PARPBP: variants seen among roughly 807,000 people sequenced by gnomAD.
PARPBP encodes PARP1 binding protein.
A neutral mutation model predicts 50.0 loss-of-function variants in PARPBP; 52 were observed. The ratio of observed to expected loss-of-function variants is 1.04; its 90% CI spans 0.83 to 1.31. The LOEUF (loss-of-function observed/expected upper bound fraction) is 1.31, where lower values mean the gene tolerates loss of function less well. PARPBP is among the 50% of genes most tolerant of loss of function. PARPBP has a pLI of 0.00. For missense variants in PARPBP, 697 were observed against 672.0 expected, an observed-to-expected ratio of 1.04 and a Z score of -0.41; for synonymous variants, 244 against 232.1, an observed-to-expected ratio of 1.05 and a Z score of -0.47.
At chr12:102,151,661 C>T in intron 3 of PARPBP, 1 of 1,535,476 alleles carries the variant, frequency 6.5e-7, no homozygotes, top group South Asian at 1.2e-5. Flanking sequence ...CCAGTGTCAG[C>T]CTCATTGACT....
intron 2 of PARPBP, among the ~76,000 whole-genome samples, chr12:102,133,903 T>TA (rs1312100688): frequency 4.6e-5 from 7 of 151,776 alleles, no homozygotes; most frequent in Non-Finnish European, 2.9e-5. Flanking sequence ...AAAGGAAATT[T>TA]AAAAAAACCT....
chr12:102,143,880 G>A (rs528549900), intron 2 of PARPBP, among the ~76,000 whole-genome samples: 1 of 152,154 alleles, frequency 6.6e-6, no homozygotes, highest in African/African-American at 2.4e-5. Flanking sequence ...AGCAATTACA[G>A]TACCTGTGAT....
chr12:102,197,507 C>A lies in PARPBP; in HGVS notation c.*1216C>A. ...ATTTTCATTGAAATAAACGACAAGT[C>A]ACATTGCCACTTACCTTTGAAACTT... On this transcript the variant is annotated 3_prime_UTR_variant, in exon 11 of 11. Transcript: ENST00000327680. 2 of 1,584,238 alleles carry A rather than the reference C, an allele frequency of 1.3e-6. No individual in the cohort carries two copies. The highest frequency in any genetic ancestry group is 1.2e-5 in the South Asian group (1 of 86,040).
intron 6 of PARPBP, among the ~76,000 whole-genome samples, chr12:102,172,538 T>G (rs186042966): frequency 1.3e-5 from 2 of 152,278 alleles, no homozygotes; most frequent in African/African-American, 4.8e-5. Flanking sequence ...GCTCTAGAAG[T>G]GAGTATATAG....
intron 4 of PARPBP, among the ~76,000 whole-genome samples, chr12:102,156,534 A>C (rs541343204): frequency 6.6e-6 from 1 of 152,190 alleles, no homozygotes; most frequent in South Asian, 2.1e-4. Flanking sequence ...ACTCTTGGCA[A>C]AGTTTCTGTG....
chr12:102,124,505 G>C (rs1881657519), intron 2 of PARPBP, among the ~76,000 whole-genome samples: 1 of 152,186 alleles, frequency 6.6e-6, no homozygotes, highest in Non-Finnish European at 1.5e-5. Context: ...CTAGCGTTTG[G>C]ATTTAAGCCG....
At chr12:102,185,985 C>G (rs1890265007) in intron 9 of PARPBP, among the ~76,000 whole-genome samples, 1 of 152,076 alleles carries the variant, frequency 6.6e-6, no homozygotes, top group Non-Finnish European at 1.5e-5. Context: ...GCTTCAGTCT[C>G]ATTACTTATT....
chr12:102,193,781 A>G (rs967373006), intron 9 of PARPBP, among the ~76,000 whole-genome samples: 1 of 152,038 alleles, frequency 6.6e-6, no homozygotes, highest in South Asian at 2.1e-4. Flanking sequence ...TCAGTTACAT[A>G]TAGGGCATCT....
At chr12:102,189,879 C>T (rs1368572544) in intron 9 of PARPBP, among the ~76,000 whole-genome samples, 1 of 152,116 alleles carries the variant, frequency 6.6e-6, no homozygotes. Flanking sequence ...GGAAATTAAG[C>T]AGCTTAAGGA....
intron 5 of PARPBP, among the ~76,000 whole-genome samples, chr12:102,165,316 A>T (rs1009890268): frequency 5.3e-5 from 8 of 152,302 alleles, no homozygotes; most frequent in Non-Finnish European, 1.2e-4. Context: ...AAATTGCCCA[A>T]CCAATTCACC....
intron 2 of PARPBP, among the ~76,000 whole-genome samples, chr12:102,134,238 C>CAAAA (rs771158918): frequency 1.0e-3 from 94 of 91,360 alleles, no homozygotes; most frequent in African/African-American, 3.3e-3. Context: ...AGAGAAGCCT[C>CAAAA]AAAAAAAAAA....
intron 7 of PARPBP, among the ~76,000 whole-genome samples, chr12:102,178,223 C>T (rs1252772388): frequency 1.3e-5 from 2 of 152,060 alleles, no homozygotes; most frequent in Non-Finnish European, 2.9e-5. Flanking sequence ...GGCCTGTATT[C>T]AGATAGCCAG....
intron 9 of PARPBP, among the ~76,000 whole-genome samples, chr12:102,191,300 A>AT (rs1356045531): frequency 1.3e-5 from 2 of 152,152 alleles, no homozygotes; most frequent in African/African-American, 2.4e-5. Flanking sequence ...GGTCAAAAAG[A>AT]TTTTTTTCTG....
At chr12:102,120,817 T>C (rs934188175) in intron 1 of PARPBP, among the ~76,000 whole-genome samples, 7 of 152,330 alleles carry the variant, frequency 4.6e-5, no homozygotes, top group East Asian at 1.9e-4. Flanking sequence ...AAGAAACTTA[T>C]GCTCATTAGA....
intron 2 of PARPBP, among the ~76,000 whole-genome samples, chr12:102,140,835 G>A (rs1232524710): frequency 6.6e-6 from 1 of 152,220 alleles, no homozygotes; most frequent in Non-Finnish European, 1.5e-5. Context: ...TGATTGCACT[G>A]TGGTCTGAGA....
In PARPBP at chr12:102,197,242, A is replaced by G; in HGVS notation, c.*951A>G. On this transcript the variant is annotated 3_prime_UTR_variant, in exon 11 of 11. Coordinates refer to ENST00000327680, the MANE Select transcript of PARPBP (RefSeq NM_017915.5). ...TGGAACTATAATACAATTGTATAAT[A>G]TTCTTGTTGATCAATTCAAAGTTAC... 8.3e-7 allele frequency: 1 copy of G among 1,209,258 alleles called. No homozygotes were observed. Among genetic ancestry groups the G allele is most frequent in the Non-Finnish European group, 1.2e-6 (1 of 845,996 alleles). 74.9% of individuals were successfully genotyped at this position (1,209,258 alleles called of 1,614,324 possible). A position where few individuals can be genotyped will look rare whatever the true frequency, so the allele number is the denominator to read the frequency against.
At chr12:102,128,432 C>T (rs536703732) in intron 2 of PARPBP, among the ~76,000 whole-genome samples, 8 of 152,092 alleles carry the variant, frequency 5.3e-5, no homozygotes, top group Admixed American at 3.9e-4. Flanking sequence ...GGGGTTTCAC[C>T]GTGTTAGCCA....
intron 2 of PARPBP, among the ~76,000 whole-genome samples, chr12:102,127,724 A>C (rs1439739091): frequency 1.3e-5 from 2 of 152,180 alleles, no homozygotes; most frequent in African/African-American, 2.4e-5. Context: ...GCTTGGGTAC[A>C]TGTACATTTA....
chr12:102,123,825 T>G (rs1018452245), intron 1 of PARPBP, 61 bp from the exon 2 acceptor site: 2 of 1,174,902 alleles, frequency 1.7e-6, no homozygotes, highest in African/African-American at 3.0e-5. Context: ...CCTATACATG[T>G]TAAATGTTAA....
Sources: gnomAD v4.1 joint callset for allele counts (sites outside exome capture counted in the v4.1 genomes callset) on GRCh38, gnomAD v4.1.1 for gene constraint, MANE v1.5 for transcripts, NCBI Gene and HGNC (gene_info 2026-07-23, HGNC 2026-07-21) for gene names.